Variants in TRAPPC11 observed in about 807,000 individuals in gnomAD.
TRAPPC11 encodes trafficking protein particle complex subunit 11, also known as foie gras homolog.
In TRAPPC11, 104 loss-of-function variants were observed where a neutral mutation model predicts 151.2. The observed-to-expected ratio is 0.69, with a 90% CI of 0.59 to 0.81. The LOEUF (loss-of-function observed/expected upper bound fraction) is 0.81, where lower values mean the gene tolerates loss of function less well. TRAPPC11 is among the 30% of genes least tolerant of loss of function. The probability of loss-of-function intolerance (pLI) is 0.00; values close to 1 mark genes in which losing one functional copy is unlikely to be tolerated. For missense variants in TRAPPC11, 1,230 were observed against 1,349.6 expected (o/e 0.91, Z 1.39); for synonymous variants, 456 against 472.3 (o/e 0.97, Z 0.45).
intron 4 of TRAPPC11, 73 bp downstream of exon 4, chr4:183,667,203 T>C (rs767879258): frequency 1.9e-4 from 239 of 1,286,028 alleles, no homozygotes; most frequent in Non-Finnish European, 2.5e-4. Flanking sequence ...AGGGGTTTTT[T>C]GGATGTTTAA....
At chr4:183,660,491 A>T (rs1241621844) in intron 1 of TRAPPC11, among the ~76,000 whole-genome samples, 1 of 152,224 alleles carries the variant, frequency 6.6e-6, no homozygotes, top group Non-Finnish European at 1.5e-5. Context: ...AATGAATTCC[A>T]TCCACGTTTT....
intron 26 of TRAPPC11, among the ~76,000 whole-genome samples, chr4:183,703,988 C>T (rs943825841): frequency 2.6e-5 from 4 of 152,206 alleles, no homozygotes. Flanking sequence ...AAACCATCCT[C>T]AGTGAGTTAA....
At chr4:183,672,142 G>A (rs369693602) in intron 5 of TRAPPC11, among the ~76,000 whole-genome samples, 1 of 152,196 alleles carries the variant, frequency 6.6e-6, no homozygotes, top group East Asian at 1.9e-4. Context: ...AATATAGTTT[G>A]TAAGTCTTAC....
At chr4:183,706,517 C>T (rs573339112) in intron 27 of TRAPPC11, among the ~76,000 whole-genome samples, 4 of 146,998 alleles carry the variant, frequency 2.7e-5, no homozygotes, top group East Asian at 2.0e-4. Flanking sequence ...AGCGAGACTC[C>T]GCCTCAAAAA....
intron 27 of TRAPPC11, chr4:183,706,157 C>G (rs1472123715): frequency 6.6e-6 from 1 of 152,326 alleles, no homozygotes; most frequent in East Asian, 1.9e-4. Flanking sequence ...TATAACTTCA[C>G]TGAAACACAG....
chr4:183,688,727 G>T (rs528178427), intron 18 of TRAPPC11, among the ~76,000 whole-genome samples: 7 of 151,520 alleles, frequency 4.6e-5, no homozygotes, highest in African/African-American at 1.7e-4. Flanking sequence ...TTATTTTAGT[G>T]TGTGTGCGTG....
At chr4:183,680,514 A>G (rs1735623234) in intron 10 of TRAPPC11, among the ~76,000 whole-genome samples, 1 of 152,092 alleles carries the variant, frequency 6.6e-6, no homozygotes, top group East Asian at 1.9e-4. Flanking sequence ...CTATTTAGAC[A>G]AGAGAAAATT....
chr4:183,687,867 T>C (rs76405581), intron 18 of TRAPPC11, among the ~76,000 whole-genome samples: 3,476 of 152,312 alleles, frequency 0.023, 143 homozygotes, highest in African/African-American at 0.079. Flanking sequence ...CCCTCTACGT[T>C]AACTTCTTGA....
rs1161482255 is a variant in TRAPPC11, at chr4:183,708,439, G to A, written c.3222G>A (p.Gln1074=). ...IRLRILPGTE[Q]EMLYNFYPLM... Reference sequence around the variant, plus strand: ...TACGTATCCTCCCTGGCACGGAGCAGGAAATGCTATATAATTTCTATCCTC... The same window carrying A: ...TACGTATCCTCCCTGGCACGGAGCAAGAAATGCTATATAATTTCTATCCTC... The change falls in exon 29 of 30, where the codon CAG becomes CAA. Residue 1074 remains glutamine, a synonymous_variant. Coordinates refer to ENST00000334690, the MANE Select transcript of TRAPPC11 (RefSeq NM_021942.6). 2 of 1,613,824 alleles carry A rather than the reference G, an allele frequency of 1.2e-6. No homozygotes were observed. Among genetic ancestry groups the A allele is most frequent in the Admixed American group, 1.7e-5 (1 of 59,972 alleles).
chr4:183,674,851 G>GGAT (rs763511494), intron 6 of TRAPPC11, 39 bp downstream of exon 6: 1 of 1,205,582 alleles, frequency 8.3e-7, no homozygotes, highest in Non-Finnish European at 1.2e-6. Context: ...ATTCTGGAGC[G>GGAT]GATTATTATT....
intron 18 of TRAPPC11, among the ~76,000 whole-genome samples, chr4:183,688,076 C>T (rs1736077234): frequency 6.6e-6 from 1 of 152,192 alleles, no homozygotes; most frequent in Non-Finnish European, 1.5e-5. Context: ...CTTTCACCAA[C>T]AAGCATTTAT....
rs1187140632 is a variant in TRAPPC11 at position 183,684,476 on chromosome 4, C to G, written c.1421+117C>G. The G allele has an allele frequency of 3.7e-6, 4 of 1,095,572 alleles. No homozygotes were observed. The African/African-American group carries it at 6.4e-5, about 17-fold the overall frequency. 67.9% of individuals were successfully genotyped at this position (1,095,572 alleles called of 1,614,324 possible). Reference sequence around the variant, plus strand: ...CATATTTATTTCTATTGTTGTTAAACTCCATTTCTGTAATGTTTTTTTCAA... The same window carrying G: ...CATATTTATTTCTATTGTTGTTAAAGTCCATTTCTGTAATGTTTTTTTCAA... On this transcript the variant is annotated intron_variant, in intron 14 of 29. Coordinates refer to ENST00000334690, the MANE Select transcript of TRAPPC11 (RefSeq NM_021942.6).
At chr4:183,708,268 A>T in intron 28 of TRAPPC11, 139 bp from the exon 29 acceptor site, 1 of 843,852 alleles carries the variant, frequency 1.2e-6, no homozygotes, top group South Asian at 2.0e-5. Context: ...TCTGTTTGGA[A>T]GATGGACTAG....
rs1435437433 is a variant in TRAPPC11, at chr4:183,668,042, G to A, written c.485G>A (p.Cys162Tyr). 6.2e-7 allele frequency: 1 copy of A among 1,613,586 alleles called. No homozygotes were observed. Among genetic ancestry groups the A allele is most frequent in the Non-Finnish European group, 8.5e-7 (1 of 1,179,672 alleles). Residue 162 changes from cysteine to tyrosine, a missense_variant, in exon 5 of 30, where the codon TGC (cysteine) becomes TAC (tyrosine). Cys to Tyr is a radical substitution (Grantham distance 194). Coordinates refer to ENST00000334690, the MANE Select transcript of TRAPPC11 (RefSeq NM_021942.6). ...GCTTCAGAAAGGGCTGCAGCTTTAT[G>A]CAATGCATGTGAACTCTCAGGAAAG... ...VIASERAAAL[C>Y]NACELSGKSL...
At chr4:183,675,327 TAAGTTTA>T (rs1735360682) in intron 7 of TRAPPC11, 90 bp downstream of exon 7, 1 of 753,704 alleles carries the variant, frequency 1.3e-6, no homozygotes, top group Non-Finnish European at 2.0e-6. Context: ...AAAGTATAAT[TAAGTTTA>T]AAGTGTTCAT....
At chr4:183,664,103 C>T (rs781159907) in intron 2 of TRAPPC11, 32 bp downstream of exon 2, 2 of 1,558,378 alleles carry the variant, frequency 1.3e-6, no homozygotes, top group Non-Finnish European at 1.8e-6. Context: ...GTGTTCTTTC[C>T]TTCTCTCTCT....
rs1428673124 is a variant in TRAPPC11 at position 183,686,712 on chromosome 4, T to A, written c.1857T>A (p.Ile619=). 1 of 1,614,046 alleles carries A rather than the reference T, an allele frequency of 6.2e-7. No homozygotes were observed. Among genetic ancestry groups the A allele is most frequent in the African/African-American group, 1.3e-5 (1 of 74,942 alleles). ...TGAAGGCTGATTGTCCACATCCCATTAGGTTTTCCAAGCTCTGTGTCAGCT... is the reference window on the plus strand; with the variant it reads ...TGAAGGCTGATTGTCCACATCCCATAAGGTTTTCCAAGCTCTGTGTCAGCT... ...IYLKADCPHP[I]RFSKLCVSFN... The change falls in exon 18 of 30, where the codon ATT becomes ATA. Residue 619 remains isoleucine, a synonymous_variant. Transcript: ENST00000334690.
intron 19 of TRAPPC11, among the ~76,000 whole-genome samples, chr4:183,691,828 G>A (rs1380066383): frequency 6.6e-6 from 1 of 151,972 alleles, no homozygotes; most frequent in Non-Finnish European, 1.5e-5. Flanking sequence ...TGTATATTAT[G>A]TAATATAGCA....
chr4:183,693,736 A>T lies in TRAPPC11; in HGVS notation c.2385A>T (p.Pro795=), dbSNP rs769797951. Residue 795 remains proline (P), a splice_region_variant and synonymous_variant, in exon 21 of 30, where the codon CCA becomes CCT. Coordinates refer to ENST00000334690, the MANE Select transcript of TRAPPC11 (RefSeq NM_021942.6). ...TGAAGCTCACCGCTGGCTTAAAACC[A>T]GGTAAGCATTCCTTTTTGTAAGTTT... ...RDVKLTAGLK[P]GQDANLTQKT... is the part of the protein sequence containing the mutation. The T allele has an allele frequency of 1.2e-6, 2 of 1,612,928 alleles. No individual in the cohort carries two copies. The highest frequency in any genetic ancestry group is 2.2e-5 in the South Asian group (2 of 90,684).
Sources: gnomAD v4.1 joint callset for allele counts (sites outside exome capture counted in the v4.1 genomes callset) on GRCh38, gnomAD v4.1.1 for gene constraint, MANE v1.5 for transcripts, NCBI Gene and HGNC (gene_info 2026-07-23, HGNC 2026-07-21) for gene names.